CEPT1: variants seen among roughly 807,000 people sequenced by gnomAD.
The protein encoded by CEPT1 is choline/ethanolamine phosphotransferase 1, also known as choline/ethanolaminephosphotransferase 1.
CEPT1 carries 7 observed loss-of-function variants against 42.6 expected under a neutral mutation model. The observed-to-expected ratio is 0.16, with a 90% confidence interval of 0.09 to 0.31. The LOEUF (loss-of-function observed/expected upper bound fraction) is 0.31, where lower values mean the gene tolerates loss of function less well. Among genes scored for constraint, CEPT1 ranks in the 10% least tolerant of loss-of-function variants. The pLI, the probability that CEPT1 is intolerant of heterozygous loss-of-function variation, is 1.00. For synonymous variants in CEPT1, 171 were observed against 171.9 expected, an observed-to-expected ratio of 0.99 and a Z score of 0.04; for missense variants, 306 against 502.1, an observed-to-expected ratio of 0.61 and a Z score of 3.73.
chr1:111,140,555 G>C (rs1028190073), intron 1 of CEPT1: 1 of 152,576 alleles, frequency 6.6e-6, no homozygotes, highest in Non-Finnish European at 1.5e-5. Context: ...TGGAGACATT[G>C]GGGTGGCGGA....
At chr1:111,179,682 C>G (rs926574146) in intron 5 of CEPT1, 1 of 152,150 alleles carries the variant, frequency 6.6e-6, no homozygotes, top group Non-Finnish European at 1.5e-5. Flanking sequence ...CACTTTGCCT[C>G]ATATTTTCTT....
intron 2 of CEPT1, among the ~76,000 whole-genome samples, chr1:111,151,332 C>T (rs1407382037): frequency 6.6e-6 from 1 of 152,134 alleles, no homozygotes. Context: ...ACATGTTGGC[C>T]AGAATGATCT....
intron 4 of CEPT1, among the ~76,000 whole-genome samples, chr1:111,161,788 T>C (rs1655889119): frequency 6.6e-6 from 1 of 152,226 alleles, no homozygotes; most frequent in African/African-American, 2.4e-5. Context: ...TCACTTTCAA[T>C]ACCTATTTTG....
intron 2 of CEPT1, among the ~76,000 whole-genome samples, chr1:111,151,380 C>T (rs1655268392): frequency 6.6e-6 from 1 of 152,168 alleles, no homozygotes; most frequent in Admixed American, 6.5e-5. Context: ...CCTTGGCCTC[C>T]CAGAGTGCTG....
intron 2 of CEPT1, 45 bp from the exon 3 acceptor site, chr1:111,159,335 A>T (rs765942603): frequency 1.3e-6 from 2 of 1,569,632 alleles, no homozygotes; most frequent in South Asian, 2.4e-5. Flanking sequence ...CAAACATGGT[A>T]ACTGTGTGTC....
chr1:111,159,023 C>G (rs988841286), intron 2 of CEPT1, among the ~76,000 whole-genome samples: 1 of 143,974 alleles, frequency 6.9e-6, no homozygotes, highest in African/African-American at 2.6e-5. Flanking sequence ...ACGCCATTCT[C>G]CTGCCTCAGC....
At chr1:111,155,459 G>T (rs1357364478) in intron 2 of CEPT1, among the ~76,000 whole-genome samples, 1 of 151,494 alleles carries the variant, frequency 6.6e-6, no homozygotes. Flanking sequence ...GTGTGTGTGT[G>T]TGTATACACA....
chr1:111,172,041 A>G (rs1656444266), intron 4 of CEPT1, among the ~76,000 whole-genome samples: 1 of 152,238 alleles, frequency 6.6e-6, no homozygotes, highest in African/African-American at 2.4e-5. Context: ...CCCAGCCAGG[A>G]GATTATTTTA....
At chr1:111,141,596 T>TTG (rs200917228) in intron 1 of CEPT1, among the ~76,000 whole-genome samples, 3 of 152,198 alleles carry the variant, frequency 2.0e-5, no homozygotes, top group South Asian at 2.1e-4. Context: ...GATTTTTATG[T>TTG]TGTGTGTGTG....
At chr1:111,169,896 T>C (rs980293531) in intron 4 of CEPT1, among the ~76,000 whole-genome samples, 1 of 152,202 alleles carries the variant, frequency 6.6e-6, no homozygotes, top group African/African-American at 2.4e-5. Flanking sequence ...CAAGGTTATT[T>C]TCTTTATAAC....
intron 1 of CEPT1, among the ~76,000 whole-genome samples, chr1:111,144,082 C>T (rs1164439163): frequency 6.6e-6 from 1 of 152,206 alleles, no homozygotes; most frequent in Non-Finnish European, 1.5e-5. Flanking sequence ...ACCCCACATC[C>T]ATTTTTCCTT....
intron 4 of CEPT1, among the ~76,000 whole-genome samples, chr1:111,173,826 T>G (rs1487280111): frequency 6.6e-6 from 1 of 152,188 alleles, no homozygotes; most frequent in Admixed American, 6.5e-5. Context: ...TGCAACTTAT[T>G]TTCACTTACT....
At chr1:111,148,436 G>A (rs1195498432) in intron 2 of CEPT1, among the ~76,000 whole-genome samples, 2 of 150,638 alleles carry the variant, frequency 1.3e-5, no homozygotes, top group Admixed American at 6.6e-5. Context: ...CTGTAAACTA[G>A]CCTTATCAAA....
At chr1:111,183,685 T>A in intron 8 of CEPT1, 98 bp downstream of exon 8, 1 of 1,203,922 alleles carries the variant, frequency 8.3e-7, no homozygotes, top group Non-Finnish European at 1.2e-6. Context: ...GTTCATATAA[T>A]TGTAATGATT....
chr1:111,142,621 C>G (rs541210397), intron 1 of CEPT1, among the ~76,000 whole-genome samples: 13 of 152,162 alleles, frequency 8.5e-5, no homozygotes, highest in Admixed American at 3.3e-4. Context: ...GGTACTGCCT[C>G]CAGCCTGTGC....
At chr1:111,166,213 C>T (rs1656138691) in intron 4 of CEPT1, among the ~76,000 whole-genome samples, 1 of 152,158 alleles carries the variant, frequency 6.6e-6, no homozygotes, top group Non-Finnish European at 1.5e-5. Context: ...ACCTAGATTG[C>T]AGTTTGGCCT....
chr1:111,166,547 TC>T, intron 4 of CEPT1, among the ~76,000 whole-genome samples: 1 of 152,308 alleles, frequency 6.6e-6, no homozygotes, highest in East Asian at 1.9e-4. Context: ...TCTAACCATA[TC>T]CAAATAGAAG....
chr1:111,177,317 A>T (rs1448679969), intron 5 of CEPT1, among the ~76,000 whole-genome samples: 1 of 151,944 alleles, frequency 6.6e-6, no homozygotes, highest in Non-Finnish European at 1.5e-5. Context: ...TCCCTTGGGG[A>T]TGCTGAATAA....
intron 4 of CEPT1, among the ~76,000 whole-genome samples, chr1:111,164,164 A>G (rs563641671): frequency 6.6e-6 from 1 of 152,328 alleles, no homozygotes; most frequent in African/African-American, 2.4e-5. Context: ...CAGGATTTTA[A>G]TTCATCTGTA....
Sources: gnomAD v4.1 joint callset for allele counts (sites outside exome capture counted in the v4.1 genomes callset) on GRCh38, gnomAD v4.1.1 for gene constraint, MANE v1.5 for transcripts, NCBI Gene and HGNC (gene_info 2026-07-23, HGNC 2026-07-21) for gene names.